PINX1: variants seen among roughly 807,000 people sequenced by gnomAD.
PINX1 encodes PIN2/TERF1-interacting telomerase inhibitor 1.
A neutral mutation model predicts 25.4 loss-of-function variants in PINX1; 34 were observed. That is an observed-to-expected ratio of 1.34 (90% CI 1.02 to 1.78). The LOEUF is 1.78. Ranked by LOEUF, PINX1 falls within the 40% of genes most tolerant of loss-of-function variation. PINX1 has a pLI of 0.00. For synonymous variants in PINX1, 197 were observed against 147.7 expected, an observed-to-expected ratio of 1.33 and a Z score of -2.42; for missense variants, 592 against 404.9, an observed-to-expected ratio of 1.46 and a Z score of -3.97.
chr8:10,820,004 A>T (rs1449594504), intron 6 of PINX1, among the ~76,000 whole-genome samples, 189 bp downstream of exon 6: 1 of 152,188 alleles, frequency 6.6e-6, no homozygotes, highest in African/African-American at 2.4e-5. Flanking sequence ...TTTTTTAAAG[A>T]TTCCTTATAA....
At chr8:10,838,050 G>A (rs1472094482) in intron 1 of PINX1, among the ~76,000 whole-genome samples, 1 of 152,194 alleles carries the variant, frequency 6.6e-6, no homozygotes, top group African/African-American at 2.4e-5. Context: ...AAATCAGAGC[G>A]GTAACCCTAA....
intron 4 of PINX1, among the ~76,000 whole-genome samples, chr8:10,827,663 T>TTA: frequency 6.6e-6 from 1 of 151,764 alleles, no homozygotes; most frequent in East Asian, 1.9e-4. Context: ...TCCCAGCACT[T>TTA]TGGTAGGCCG....
intron 6 of PINX1, among the ~76,000 whole-genome samples, chr8:10,773,379 T>C (rs1326559101): frequency 1.3e-5 from 2 of 152,164 alleles, no homozygotes; most frequent in Non-Finnish European, 2.9e-5. Context: ...TGCTTTTGAG[T>C]AGCAAAAGCC....
chr8:10,767,201 G>A (rs572009853), intron 6 of PINX1, among the ~76,000 whole-genome samples: 4 of 152,286 alleles, frequency 2.6e-5, no homozygotes, highest in Non-Finnish European at 4.4e-5. Flanking sequence ...TGGCTGGCAA[G>A]GTTCTGCTTG....
chr8:10,839,587 A>C, intron 1 of PINX1, 151 bp downstream of exon 1: 1 of 749,724 alleles, frequency 1.3e-6, no homozygotes, highest in Non-Finnish European at 2.2e-6. Flanking sequence ...GGCGAGCAGG[A>C]CAATCAGAGC....
intron 5 of PINX1, among the ~76,000 whole-genome samples, chr8:10,822,354 C>A (rs1249209981): frequency 6.6e-6 from 1 of 152,132 alleles, no homozygotes; most frequent in East Asian, 1.9e-4. Context: ...ATGGTCAAAT[C>A]ATACAAAATA....
At chr8:10,831,227 A>G (rs1054028722) in intron 4 of PINX1, among the ~76,000 whole-genome samples, 5 of 152,210 alleles carry the variant, frequency 3.3e-5, no homozygotes, top group African/African-American at 1.2e-4. Context: ...TGGAAAAGCT[A>G]AAAGAGTTGA....
intron 4 of PINX1, among the ~76,000 whole-genome samples, chr8:10,829,019 G>A (rs944787912): frequency 3.3e-5 from 5 of 152,148 alleles, no homozygotes; most frequent in Admixed American, 6.5e-5. Flanking sequence ...TAGGTGCAGT[G>A]GCTAAAGCCT....
chr8:10,825,593 A>G (rs139045614), intron 5 of PINX1: 37 of 391,256 alleles, frequency 9.5e-5, no homozygotes, highest in Non-Finnish European at 1.6e-4. Flanking sequence ...ATGAAGGAAT[A>G]GGAATTCTCA....
intron 6 of PINX1, among the ~76,000 whole-genome samples, chr8:10,812,144 G>C (rs10503409): frequency 0.19 from 28,540 of 152,158 alleles, 2,933 homozygotes; most frequent in Non-Finnish European, 0.23. Context: ...TAAGACAGAT[G>C]ACTTGCTATT....
chr8:10,832,845 G>A (rs1171656593), intron 3 of PINX1, 47 bp downstream of exon 3: 3 of 1,115,188 alleles, frequency 2.7e-6, no homozygotes, highest in Non-Finnish European at 4.1e-6. Flanking sequence ...TTACAAGACT[G>A]AAGCCAATTA....
intron 6 of PINX1, among the ~76,000 whole-genome samples, chr8:10,813,252 C>G (rs955065111): frequency 4.6e-5 from 7 of 152,058 alleles, no homozygotes; most frequent in Non-Finnish European, 1.0e-4. Flanking sequence ...GCGATAGGTG[C>G]AGGAAGGGGG....
intron 4 of PINX1, among the ~76,000 whole-genome samples, chr8:10,826,767 C>T (rs1798063024): frequency 6.6e-6 from 1 of 152,176 alleles, no homozygotes; most frequent in African/African-American, 2.4e-5. Flanking sequence ...CATATGACTC[C>T]ATCTACAGAA....
intron 6 of PINX1, chr8:10,771,327 T>G (rs1337736775): frequency 6.6e-6 from 1 of 152,218 alleles, no homozygotes. Flanking sequence ...TATGCTGGCC[T>G]ACGATGTTCT....
Position 10,839,707 on chromosome 8 carries a change from C to A in PINX1, c.19+31G>T, listed in dbSNP as rs752665688. On this transcript the variant is annotated intron_variant, in intron 1 of 6. Transcript: ENST00000314787. ...GTCACCCGGCATCTTCACCAACGCGCCTGGGTCGGGCCTCCGCTTCCGACA... is the reference window on the plus strand; with the variant it reads ...GTCACCCGGCATCTTCACCAACGCGACTGGGTCGGGCCTCCGCTTCCGACA... 21 of 1,596,274 alleles carry A rather than the reference C, an allele frequency of 1.3e-5. No individual in the cohort carries two copies. In the Admixed American group the frequency reaches 2.2e-4, roughly 17 times the overall value.
chr8:10,790,033 C>T (rs369044859), intron 6 of PINX1, among the ~76,000 whole-genome samples: 2 of 152,306 alleles, frequency 1.3e-5, no homozygotes, highest in Non-Finnish European at 1.5e-5. Flanking sequence ...GATGCTGTCA[C>T]AGCCAAGCGG....
intron 6 of PINX1, among the ~76,000 whole-genome samples, chr8:10,808,482 T>C (rs943897491): frequency 1.3e-5 from 2 of 152,232 alleles, no homozygotes; most frequent in African/African-American, 4.8e-5. Flanking sequence ...TAACACATAA[T>C]CGCTATCTAT....
intron 6 of PINX1, among the ~76,000 whole-genome samples, chr8:10,792,433 G>A (rs1014641807): frequency 1.3e-5 from 2 of 151,926 alleles, no homozygotes; most frequent in Non-Finnish European, 2.9e-5. Context: ...TAACCAAACC[G>A]CATCAAAATC....
At chr8:10,830,196 T>C (rs1034738791) in intron 4 of PINX1, among the ~76,000 whole-genome samples, 7 of 152,264 alleles carry the variant, frequency 4.6e-5, no homozygotes, top group African/African-American at 1.7e-4. Context: ...CACACAGAAC[T>C]GTTAGGTTAT....
Sources: gnomAD v4.1 joint callset for allele counts (sites outside exome capture counted in the v4.1 genomes callset) on GRCh38, gnomAD v4.1.1 for gene constraint, MANE v1.5 for transcripts, NCBI Gene and HGNC (gene_info 2026-07-23, HGNC 2026-07-21) for gene names.